SLC16A1: variants seen among roughly 807,000 people sequenced by gnomAD.
SLC16A1 encodes the protein solute carrier family 16 member 1.
Under a neutral mutation model 32.2 loss-of-function variants are expected in SLC16A1, and 11 were observed. The observed-to-expected ratio is 0.34, with a 90% CI of 0.21 to 0.56. The LOEUF (loss-of-function observed/expected upper bound fraction) is 0.56, where lower values mean the gene tolerates loss of function less well. Among genes scored for constraint, SLC16A1 ranks in the 20% least tolerant of loss-of-function variants. The probability of loss-of-function intolerance (pLI) is 0.87; values close to 1 mark genes in which losing one functional copy is unlikely to be tolerated. For missense variants in SLC16A1, 435 were observed against 615.0 expected (o/e 0.71, Z 3.10); for synonymous variants, 231 against 226.8 (o/e 1.02, Z -0.17).
chr1:112,945,810 T>C (rs557481969), intron 1 of SLC16A1, among the ~76,000 whole-genome samples: 6 of 151,596 alleles, frequency 4.0e-5, no homozygotes, highest in African/African-American at 1.2e-4. Context: ...CTGACCAACA[T>C]GGAGAAACCC....
At chr1:112,924,067 A>G (rs1648844787) in intron 2 of SLC16A1, 1 of 1,288,298 alleles carries the variant, frequency 7.8e-7, no homozygotes, top group Non-Finnish European at 1.1e-6. Context: ...TGGAAGAAGC[A>G]CCACTTCGAT....
Position 112,922,083 on chromosome 1 carries a change from T to C in SLC16A1, c.268A>G (p.Ile90Val). The change falls in exon 3 of 5, where the codon ATT (isoleucine) becomes GTT (valine). Residue 90 changes from isoleucine (I) to valine (V), a missense_variant. By Grantham distance (29) the Ile-to-Val change is conservative. This residue lies in a region of SLC16A1 where 324 missense variants were observed against 500.3 expected (regional missense o/e 0.65). Coordinates refer to ENST00000369626, the MANE Select transcript of SLC16A1 (RefSeq NM_003051.4). Reference sequence around the variant, plus strand: ...CAGCCTGACAAGCAGCCACCAACAATCATGACTATACGACTTCCATATTTA... The same window carrying C: ...CAGCCTGACAAGCAGCCACCAACAACCATGACTATACGACTTCCATATTTA... ...VNKYGSRIVMIVGGCLSGCGL... is the reference protein window; with the variant it reads ...VNKYGSRIVMVVGGCLSGCGL... 1 of 1,614,102 alleles carries C rather than the reference T, an allele frequency of 6.2e-7. No individual in the cohort carries two copies. Among genetic ancestry groups the C allele is most frequent in the Non-Finnish European group, 8.5e-7 (1 of 1,180,016 alleles).
intron 2 of SLC16A1, among the ~76,000 whole-genome samples, chr1:112,928,785 C>T (rs1382219278): frequency 6.6e-6 from 1 of 151,690 alleles, no homozygotes; most frequent in Non-Finnish European, 1.5e-5. Context: ...CAGAGATCAA[C>T]AAAAAAAATA....
intron 2 of SLC16A1, among the ~76,000 whole-genome samples, chr1:112,928,053 A>C (rs1341538311): frequency 2.6e-5 from 4 of 152,196 alleles, no homozygotes; most frequent in Non-Finnish European, 4.4e-5. Flanking sequence ...ATTAAAAAAA[A>C]ACACTACAAT....
rs1316900675 is a variant in SLC16A1, at chr1:112,912,816, A to C, written c.*1075T>G. The C allele has an allele frequency of 6.6e-6, 1 of 151,966 alleles. No individual in the cohort carries two copies. The highest frequency in any genetic ancestry group is 2.4e-5 in the African/African-American group (1 of 41,400). The allele number at this position is 151,966 out of a possible 1,614,324, so 9.4% of individuals were successfully genotyped here. On this transcript the variant is annotated 3_prime_UTR_variant, in exon 5 of 5. Coordinates refer to ENST00000369626, the MANE Select transcript of SLC16A1 (RefSeq NM_003051.4). ...TAATTTGCAAACCTTAAAAAAAAAAAAACAAAAAAACAAAAACACCAAACA... is the reference window on the plus strand; with the variant it reads ...TAATTTGCAAACCTTAAAAAAAAAACAACAAAAAAACAAAAACACCAAACA...
chr1:112,951,196 G>A (rs1031873756), intron 1 of SLC16A1, among the ~76,000 whole-genome samples: 2 of 151,974 alleles, frequency 1.3e-5, no homozygotes, highest in African/African-American at 4.8e-5. Flanking sequence ...TTCCTGCAAA[G>A]AGAAAAATAT....
chr1:112,924,443 G>T, intron 2 of SLC16A1: 1 of 853,844 alleles, frequency 1.2e-6, no homozygotes, highest in Non-Finnish European at 1.9e-6. Context: ...CTTAGGGATG[G>T]AAGTATTTGG....
chr1:112,928,203 C>T (rs551159776), intron 2 of SLC16A1, among the ~76,000 whole-genome samples: 62 of 152,306 alleles, frequency 4.1e-4, no homozygotes, highest in South Asian at 8.3e-4. Context: ...CCATGGCAGC[C>T]AGTTACCTGT....
intron 1 of SLC16A1, among the ~76,000 whole-genome samples, chr1:112,932,041 G>A (rs1441585903): frequency 6.6e-6 from 1 of 152,130 alleles, no homozygotes; most frequent in Non-Finnish European, 1.5e-5. Flanking sequence ...CCAAAACACT[G>A]TTCCTTCCAA....
chr1:112,936,948 C>T (rs1490510741), intron 1 of SLC16A1, among the ~76,000 whole-genome samples: 4 of 152,164 alleles, frequency 2.6e-5, no homozygotes, highest in African/African-American at 9.7e-5. Context: ...CCTAAAATTT[C>T]TACTGGAATG....
intron 3 of SLC16A1, 137 bp downstream of exon 3, chr1:112,921,853 T>C: frequency 1.9e-6 from 2 of 1,043,376 alleles, no homozygotes; most frequent in Non-Finnish European, 2.8e-6. Context: ...TACTTTTATC[T>C]CTAGTTCTTC....
rs150392969 is a variant in SLC16A1 at position 112,912,621 on chromosome 1, T to C, written c.*1270A>G. On this transcript the variant is annotated 3_prime_UTR_variant, in exon 5 of 5. Transcript: ENST00000369626. ...GAAAGGGGTCACAAAATTTTTAGGT[T>C]TGTGTGGAGGGTAAAAATGCATCCA... 18 of 152,252 alleles carry C rather than the reference T, an allele frequency of 1.2e-4. No homozygotes were observed. The East Asian group carries it at 3.1e-3, about 26-fold the overall frequency. 9.4% of individuals were successfully genotyped at this position (152,252 alleles called of 1,614,324 possible).
In SLC16A1 at chr1:112,916,213, T is replaced by G. The variant is rs568109278; in HGVS notation, c.1228+965A>C. Among the ~76,000 whole-genome samples the G allele has an allele frequency of 2.6e-5, 4 of 151,732 alleles. No individual in the cohort carries two copies. In the South Asian group the frequency reaches 6.3e-4, roughly 24 times the overall value. ...TGCTTTTTGTGTGTTTTTAAAAAAT[T>G]TATGGATCAGGCATGGTGGCTCATG... On this transcript the variant is annotated intron_variant, in intron 4 of 4. Coordinates refer to ENST00000369626, the MANE Select transcript of SLC16A1 (RefSeq NM_003051.4).
At chr1:112,946,223 G>C (rs1003612135) in intron 1 of SLC16A1, among the ~76,000 whole-genome samples, 1 of 151,914 alleles carries the variant, frequency 6.6e-6, no homozygotes, top group Non-Finnish European at 1.5e-5. Flanking sequence ...CTCTTTCACT[G>C]CATTTTGTGG....
intron 2 of SLC16A1, chr1:112,923,347 G>A (rs1038497058): frequency 4.5e-5 from 23 of 509,438 alleles, no homozygotes; most frequent in African/African-American, 1.5e-4. Flanking sequence ...CCACGCGGCC[G>A]CCAACTCCAG....
chr1:112,951,204 T>C (rs754584551), intron 1 of SLC16A1, among the ~76,000 whole-genome samples: 1 of 151,710 alleles, frequency 6.6e-6, no homozygotes, highest in Admixed American at 6.6e-5. Flanking sequence ...AAGAGAAAAA[T>C]ATATAAACTA....
chr1:112,920,915 G>A (rs951710989), intron 3 of SLC16A1, among the ~76,000 whole-genome samples: 1 of 151,918 alleles, frequency 6.6e-6, no homozygotes, highest in African/African-American at 2.4e-5. Context: ...CGAGGCAGGC[G>A]GATCACAAGG....
At chr1:112,930,072 CTG>C (rs1482136860) in intron 1 of SLC16A1, among the ~76,000 whole-genome samples, 1 of 152,112 alleles carries the variant, frequency 6.6e-6, no homozygotes, top group Non-Finnish European at 1.5e-5. Context: ...AAGCGTTTCC[CTG>C]AGTTCTGTGA....
At position 112,934,639 on chromosome 1, in the gene SLC16A1, G is replaced by T. The variant is rs1258997918; in HGVS notation, c.-44-5287C>A. On this transcript the variant is annotated intron_variant, in intron 1 of 4. Transcript: ENST00000369626. ...AATACAGAAGCAAAAGGAGAGGGCA[G>T]GCAAACTTCTTTGTCTTAGTTATCT... Among the ~76,000 whole-genome samples, 9 of 152,104 alleles carry T rather than the reference G, an allele frequency of 5.9e-5. No homozygotes were observed. The South Asian group carries it at 1.9e-3, about 32-fold the overall frequency.
Sources: gnomAD v4.1 joint callset for allele counts (sites outside exome capture counted in the v4.1 genomes callset) on GRCh38, gnomAD v4.1.1 for gene constraint, gnomAD v4.1.1 regional missense constraint, MANE v1.5 for transcripts, NCBI Gene and HGNC (gene_info 2026-07-23, HGNC 2026-07-21) for gene names.